The following DLG2 variants were observed in gnomAD, a reference collection of about 807,000 sequenced individuals.
DLG2 encodes the protein discs large MAGUK scaffold protein 2, also known as disks large homolog 2.
DLG2 carries 45 observed loss-of-function variants against 132.5 expected under a neutral mutation model. That is an observed-to-expected ratio of 0.34 (90% CI 0.27 to 0.44). The LOEUF (loss-of-function observed/expected upper bound fraction) is 0.44. Among genes scored for constraint, DLG2 ranks in the 20% least tolerant of loss-of-function variants. The pLI, the probability that DLG2 is intolerant of heterozygous loss-of-function variation, is 1.00. For missense variants in DLG2, 1,045 were observed against 1,196.9 expected (o/e 0.87, Z 1.87); for synonymous variants, 424 against 419.6 (o/e 1.01, Z -0.13).
intron 9 of DLG2, among the ~76,000 whole-genome samples, chr11:84,160,272 C>T (rs1357331324): frequency 6.6e-6 from 1 of 152,068 alleles, no homozygotes; most frequent in South Asian, 2.1e-4. Flanking sequence ...AGCAAGGAGG[C>T]TGAGAAAGGG....
At chr11:84,765,429 C>A (rs1199246485) in intron 6 of DLG2, among the ~76,000 whole-genome samples, 1 of 152,024 alleles carries the variant, frequency 6.6e-6, no homozygotes, top group Non-Finnish European at 1.5e-5. Context: ...ACTCAGCCTC[C>A]CAGAATTCTT....
intron 6 of DLG2, among the ~76,000 whole-genome samples, chr11:84,730,515 T>C (rs2063030730): frequency 2.0e-5 from 3 of 152,196 alleles, no homozygotes; most frequent in Non-Finnish European, 4.4e-5. Context: ...TCACTAATTC[T>C]ATTTTTATAT....
rs187910269 is a variant in DLG2 at position 85,467,738 on chromosome 11, C to G, written c.40+130919G>C. ...AGTATTTTATTGAGGATTTTTGCATCGATGTTCATCAGGGATATAGGCCTA... is the reference window on the plus strand; with the variant it reads ...AGTATTTTATTGAGGATTTTTGCATGGATGTTCATCAGGGATATAGGCCTA... On this transcript the variant is annotated intron_variant, in intron 3 of 27. Transcript: ENST00000376104. Among the ~76,000 whole-genome samples, 814 of 152,192 alleles carry G rather than the reference C, an allele frequency of 5.3e-3. 4 individuals are homozygous for G. The highest frequency in any genetic ancestry group is 8.3e-3 in the Non-Finnish European group (564 of 68,016).
At chr11:83,660,934 G>A (rs2074104220) in intron 18 of DLG2, among the ~76,000 whole-genome samples, 1 of 151,878 alleles carries the variant, frequency 6.6e-6, no homozygotes, top group Admixed American at 6.6e-5. Context: ...CCTATATCAA[G>A]CACCTGCTTA....
chr11:83,455,181 A>G lies in DLG2; in HGVS notation c.*4637T>C, dbSNP rs1054569708. 6.5e-6 allele frequency: 1 copy of G among 152,684 alleles called. No individual in the cohort carries two copies. Among genetic ancestry groups the G allele is most frequent in the African/African-American group, 2.4e-5 (1 of 41,466 alleles). The allele number at this position is 152,684 out of a possible 1,614,324, so 9.5% of individuals were successfully genotyped here. ...AGTATGAAATATACATCTTGATTTT[A>G]TAATCGTGTGTGCTTTATTTTTTAC... On this transcript the variant is annotated 3_prime_UTR_variant, in exon 28 of 28. Transcript: ENST00000376104.
At chr11:85,239,677 TC>T (rs1452404886) in intron 4 of DLG2, among the ~76,000 whole-genome samples, 1 of 152,012 alleles carries the variant, frequency 6.6e-6, no homozygotes, top group Non-Finnish European at 1.5e-5. Context: ...CTTTTGGGAC[TC>T]CCTTTTTCCC....
intron 6 of DLG2, among the ~76,000 whole-genome samples, chr11:84,709,030 A>T (rs147157421): frequency 1.3e-5 from 2 of 152,046 alleles, no homozygotes; most frequent in African/African-American, 2.4e-5. Context: ...ATAATAACAC[A>T]CACATTACTG....
chr11:84,779,483 A>C (rs188461261), intron 6 of DLG2, among the ~76,000 whole-genome samples: 11 of 152,134 alleles, frequency 7.2e-5, no homozygotes, highest in African/African-American at 2.7e-4. Context: ...GTTTTTTCTA[A>C]ATACAAGATC....
chr11:83,498,267 A>T (rs1394236561), intron 21 of DLG2, among the ~76,000 whole-genome samples: 1 of 152,120 alleles, frequency 6.6e-6, no homozygotes, highest in Non-Finnish European at 1.5e-5. Context: ...AGTTGCTGAC[A>T]CTATAGTTCA....
chr11:85,232,900 A>G (rs759353683), intron 4 of DLG2, among the ~76,000 whole-genome samples: 1 of 152,012 alleles, frequency 6.6e-6, no homozygotes, highest in Non-Finnish European at 1.5e-5. Flanking sequence ...TTCCAAATGT[A>G]CTTTTATTTG....
Position 84,706,837 on chromosome 11 carries a change from T to C in DLG2, c.358-172106A>G, listed in dbSNP as rs941841994. Reference sequence around the variant, plus strand: ...AAGTTGCTATACAGTTTTCCAAAACTGCTTCAGAGAGAAACTAAGTAAACA... The same window carrying C: ...AAGTTGCTATACAGTTTTCCAAAACCGCTTCAGAGAGAAACTAAGTAAACA... On this transcript the variant is annotated intron_variant, in intron 6 of 27. Transcript: ENST00000376104. 3.9e-5 allele frequency among the ~76,000 whole-genome samples: 6 copies of C among 151,912 alleles called. No homozygotes were observed. The South Asian group carries it at 6.2e-4, about 16-fold the overall frequency.
chr11:85,423,474 G>A (rs2090477112), intron 3 of DLG2, among the ~76,000 whole-genome samples: 1 of 152,156 alleles, frequency 6.6e-6, no homozygotes, highest in South Asian at 2.1e-4. Context: ...CAGGTGGTGG[G>A]CAGGGCCATA....
chr11:85,287,126 T>C (rs893431561), intron 3 of DLG2, among the ~76,000 whole-genome samples: 3 of 152,154 alleles, frequency 2.0e-5, no homozygotes, highest in African/African-American at 4.8e-5. Context: ...ATTGTGCTTA[T>C]AGTGCATACA....
intron 6 of DLG2, among the ~76,000 whole-genome samples, chr11:84,600,963 T>C (rs1289284585): frequency 6.6e-6 from 1 of 152,150 alleles, no homozygotes; most frequent in African/African-American, 2.4e-5. Flanking sequence ...TAACACAAGG[T>C]AAAAATAAAA....
At chr11:83,608,182 A>G (rs533548132) in intron 19 of DLG2, among the ~76,000 whole-genome samples, 8 of 152,300 alleles carry the variant, frequency 5.3e-5, no homozygotes, top group Non-Finnish European at 1.2e-4. Context: ...TAAGTCAAAA[A>G]TGCATTTAAT....
At chr11:83,863,393 A>T (rs1326674380) in intron 16 of DLG2, among the ~76,000 whole-genome samples, 2 of 152,116 alleles carry the variant, frequency 1.3e-5, no homozygotes, top group Non-Finnish European at 2.9e-5. Flanking sequence ...TTTCTTTACC[A>T]TGTGCTGTGT....
rs1189280719 is a variant in DLG2 at position 83,522,816 on chromosome 11, T to C, written c.2193+9892A>G. On this transcript the variant is annotated intron_variant, in intron 21 of 27. Coordinates refer to ENST00000376104, the MANE Select transcript of DLG2 (RefSeq NM_001142699.3). ...GTCTAATTTTAGAGCCCCCCCCCCCTTTTTTTTTTAATCAAAATGCAAGGT... is the reference window on the plus strand; with the variant it reads ...GTCTAATTTTAGAGCCCCCCCCCCCCTTTTTTTTTAATCAAAATGCAAGGT... 4.7e-4 allele frequency among the ~76,000 whole-genome samples: 39 copies of C among 83,746 alleles called. 1 individual carries two copies. The highest frequency in any genetic ancestry group is 2.8e-3 in the South Asian group (7 of 2,510). 54.9% of individuals were successfully genotyped at this position (83,746 alleles called of 152,430 possible).
Position 85,367,902 on chromosome 11 carries a change from A to C in DLG2, c.41-82537T>G, listed in dbSNP as rs929457363. ...AATCTTTCTTGGAACTTTTTAATGT[A>C]CTCTTGAATTAGATTAGTTCTCTTA... On this transcript the variant is annotated intron_variant, in intron 3 of 27. Coordinates refer to ENST00000376104, the MANE Select transcript of DLG2 (RefSeq NM_001142699.3). 5.3e-5 allele frequency among the ~76,000 whole-genome samples: 8 copies of C among 152,202 alleles called. No homozygotes were observed. In the East Asian group the frequency reaches 1.5e-3, roughly 29 times the overall value.
chr11:84,290,433 C>A (rs968351086), intron 7 of DLG2, among the ~76,000 whole-genome samples: 6 of 152,014 alleles, frequency 3.9e-5, no homozygotes, highest in Non-Finnish European at 8.8e-5. Context: ...TTTATTTGCT[C>A]TAATGAGAAA....
Sources: allele counts gnomAD v4.1 joint callset (sites outside exome capture counted in the v4.1 genomes callset), GRCh38; gene constraint gnomAD v4.1.1; transcripts MANE v1.5; gene names NCBI Gene and HGNC (gene_info 2026-07-23, HGNC 2026-07-21).